The following NALF1 variants were observed in gnomAD, a reference collection of about 807,000 sequenced individuals.
NALF1 encodes the protein NALCN channel auxiliary factor 1, also known as family with sequence similarity 155 member A.
Under a neutral mutation model 48.4 loss-of-function variants are expected in NALF1, and 3 were observed. The ratio of observed to expected loss-of-function variants is 0.06; its 90% CI spans 0.03 to 0.16. The LOEUF (loss-of-function observed/expected upper bound fraction) is 0.16. NALF1 is among the 10% of genes least tolerant of loss of function. The pLI is 1.00. For synonymous variants in NALF1, 262 were observed against 245.7 expected (o/e 1.07, Z -0.62); for missense variants, 526 against 571.5 (o/e 0.92, Z 0.81).
chr13:107,324,408 C>A (rs1882311998), intron 1 of NALF1, among the ~76,000 whole-genome samples: 1 of 152,184 alleles, frequency 6.6e-6, no homozygotes, highest in African/African-American at 2.4e-5. Context: ...TTTCTGAGAT[C>A]TGTTTTAAGA....
chr13:107,441,014 C>T (rs1406903816), intron 1 of NALF1, among the ~76,000 whole-genome samples: 1 of 152,170 alleles, frequency 6.6e-6, no homozygotes, highest in East Asian at 1.9e-4. Flanking sequence ...TCTCCAACCT[C>T]CAAACCAATG....
intron 1 of NALF1, among the ~76,000 whole-genome samples, chr13:107,430,698 A>G (rs1884364971): frequency 6.6e-6 from 1 of 152,082 alleles, no homozygotes; most frequent in South Asian, 2.1e-4. Flanking sequence ...CCAGTCTATC[A>G]TTGTTGGACA....
intron 2 of NALF1, among the ~76,000 whole-genome samples, chr13:107,207,579 A>T (rs1167760558): frequency 6.6e-6 from 1 of 152,214 alleles, no homozygotes; most frequent in Non-Finnish European, 1.5e-5. Context: ...GGACTCTTAT[A>T]AGCAACGGGC....
chr13:107,829,091 G>T (rs899385251), intron 1 of NALF1, among the ~76,000 whole-genome samples: 5 of 152,094 alleles, frequency 3.3e-5, no homozygotes, highest in African/African-American at 1.2e-4. Context: ...CTAGCCAAAT[G>T]AGCAAAAGTA....
At chr13:107,316,556 CTTG>C (rs1048860900) in intron 1 of NALF1, among the ~76,000 whole-genome samples, 4 of 152,148 alleles carry the variant, frequency 2.6e-5, no homozygotes, top group African/African-American at 7.2e-5. Flanking sequence ...CTCTCCAGCA[CTTG>C]TTGTTTCCTG....
intron 1 of NALF1, among the ~76,000 whole-genome samples, chr13:107,405,317 C>T (rs1330736869): frequency 6.6e-6 from 1 of 151,940 alleles, no homozygotes; most frequent in African/African-American, 2.4e-5. Flanking sequence ...CAAACCCATG[C>T]AGAATATGAA....
chr13:107,579,536 T>G (rs541377379), intron 1 of NALF1, among the ~76,000 whole-genome samples: 94 of 152,314 alleles, frequency 6.2e-4, no homozygotes, highest in Admixed American at 1.0e-3. Flanking sequence ...CTTGGCCACA[T>G]GGCCCCTTGT....
intron 1 of NALF1, among the ~76,000 whole-genome samples, chr13:107,623,908 G>C (rs1005142147): frequency 2.0e-5 from 3 of 152,172 alleles, no homozygotes; most frequent in Admixed American, 6.6e-5. Context: ...ACATGCAAAA[G>C]CATTTTGCAG....
chr13:107,649,034 G>C (rs1880383311), intron 1 of NALF1, among the ~76,000 whole-genome samples: 1 of 152,072 alleles, frequency 6.6e-6, no homozygotes, highest in African/African-American at 2.4e-5. Flanking sequence ...TGTACTGTTT[G>C]TCTTTGTTGT....
At chr13:107,213,245 A>AAAAAG (rs1555326886) in intron 1 of NALF1, among the ~76,000 whole-genome samples, 15 of 150,692 alleles carry the variant, frequency 1.0e-4, no homozygotes, top group African/African-American at 3.7e-4. Flanking sequence ...AAAAAAAAAA[A>AAAAAG]AAAAAGAAAA....
At chr13:107,205,394 A>G (rs1879618743) in intron 2 of NALF1, among the ~76,000 whole-genome samples, 1 of 152,156 alleles carries the variant, frequency 6.6e-6, no homozygotes, top group Admixed American at 6.5e-5. Flanking sequence ...GAATGTGATC[A>G]ATATGTAGAT....
intron 2 of NALF1, 23 bp from the exon 3 acceptor site, chr13:107,170,809 T>TGTCA: frequency 6.2e-7 from 1 of 1,608,100 alleles, no homozygotes; most frequent in Non-Finnish European, 8.5e-7. Context: ...GGAAGTAGAG[T>TGTCA]GTCAGCAGGA....
intron 1 of NALF1, among the ~76,000 whole-genome samples, chr13:107,390,953 T>C (rs74868907): frequency 0.032 from 4,931 of 152,032 alleles, 273 homozygotes; most frequent in African/African-American, 0.11. Context: ...CACTGATCAC[T>C]GCATTTAGCA....
intron 2 of NALF1, among the ~76,000 whole-genome samples, chr13:107,181,718 C>T (rs1229276946): frequency 6.7e-6 from 1 of 150,192 alleles, no homozygotes; most frequent in East Asian, 2.0e-4. Context: ...GTATGTTTTA[C>T]AAATGTTTCT....
intron 1 of NALF1, among the ~76,000 whole-genome samples, chr13:107,694,613 C>T (rs114716735): frequency 2.1e-3 from 314 of 152,188 alleles, no homozygotes; most frequent in African/African-American, 7.2e-3. Context: ...AGATACAGTC[C>T]TTTTGTCAGT....
intron 1 of NALF1, among the ~76,000 whole-genome samples, chr13:107,307,860 TAAAG>T (rs1881967800): frequency 6.6e-6 from 1 of 152,278 alleles, no homozygotes; most frequent in East Asian, 1.9e-4. Flanking sequence ...ACAATACACT[TAAAG>T]AAAATCTGTG....
chr13:107,540,732 C>T (rs1876975936), intron 1 of NALF1, among the ~76,000 whole-genome samples: 1 of 152,090 alleles, frequency 6.6e-6, no homozygotes, highest in Non-Finnish European at 1.5e-5. Context: ...AATTTCCAAA[C>T]TCCTGCCAGC....
chr13:107,866,778 C>G lies in NALF1; in HGVS notation c.-182G>C, dbSNP rs1386654322. The G allele has an allele frequency of 5.0e-6, 3 of 599,370 alleles. No homozygotes were observed. Among genetic ancestry groups the G allele is most frequent in the African/African-American group, 3.7e-5 (2 of 53,656 alleles). 37.1% of individuals were successfully genotyped at this position (599,370 alleles called of 1,614,324 possible). A position where few individuals can be genotyped will look rare whatever the true frequency, so the allele number is the denominator to read the frequency against. ...CTCCTCTCTCTCTCTCTCCCTCTCCCTCTCTTTTATCTCTCTCTGTCTCTT... is the reference window on the plus strand; with the variant it reads ...CTCCTCTCTCTCTCTCTCCCTCTCCGTCTCTTTTATCTCTCTCTGTCTCTT... On this transcript the variant is annotated 5_prime_UTR_variant, in exon 1 of 3. Coordinates refer to ENST00000375915, the MANE Select transcript of NALF1 (RefSeq NM_001080396.3). The surrounding 1 kb of genome is among the most constrained non-coding windows in gnomAD (Gnocchi z 4.4).
chr13:107,173,794 T>A (rs1878854831), intron 2 of NALF1, among the ~76,000 whole-genome samples: 1 of 152,248 alleles, frequency 6.6e-6, no homozygotes, highest in South Asian at 2.1e-4. Flanking sequence ...TGGCTGGGTA[T>A]GGAATTCTAA....
Sources: allele counts gnomAD v4.1 joint callset (sites outside exome capture counted in the v4.1 genomes callset), GRCh38; gene constraint gnomAD v4.1.1; non-coding constraint Gnocchi (gnomAD v3.1); transcripts MANE v1.5; gene names NCBI Gene and HGNC (gene_info 2026-07-23, HGNC 2026-07-21).